Variants in TNKS observed in about 807,000 individuals in gnomAD.
TNKS encodes the protein tankyrase, also known as poly [ADP-ribose] polymerase tankyrase-1.
TNKS carries 72 observed loss-of-function variants against 135.8 expected under a neutral mutation model. The observed-to-expected ratio is 0.53, with a 90% CI of 0.44 to 0.64. TNKS has a LOEUF of 0.64. Among genes scored for constraint, TNKS ranks in the 30% least tolerant of loss-of-function variants. The probability of loss-of-function intolerance (pLI) is 0.00; values close to 1 mark genes in which losing one functional copy is unlikely to be tolerated. For missense variants in TNKS, 1,769 were observed against 1,674.0 expected (o/e 1.06, Z -0.99); for synonymous variants, 849 against 649.3 (o/e 1.31, Z -4.68).
In TNKS at chr8:9,752,535, C is replaced by T. The variant is rs1806598576; in HGVS notation, c.3071-9C>T. 2 of 1,602,164 alleles carry T rather than the reference C, an allele frequency of 1.2e-6. No homozygotes were observed. The highest frequency in any genetic ancestry group is 1.7e-5 in the Admixed American group (1 of 59,348). ...CTTTCTGAGAATCTTTAATATGTTT[C>T]TGTTTTAGTTGCTGGTCTTGACATG... is the stretch of plus-strand genomic sequence containing the variant. On this transcript the variant is annotated splice_polypyrimidine_tract_variant and intron_variant, in intron 19 of 26. Transcript: ENST00000310430.
chr8:9,751,473 G>A, intron 18 of TNKS, 136 bp from the exon 19 acceptor site: 1 of 676,532 alleles, frequency 1.5e-6, no homozygotes, highest in Admixed American at 2.8e-5. Flanking sequence ...ATAGGAGAAG[G>A]AATGATCAAA....
chr8:9,693,251 AAGAC>A (rs1336383093), intron 5 of TNKS, among the ~76,000 whole-genome samples: 2 of 152,328 alleles, frequency 1.3e-5, no homozygotes, highest in Non-Finnish European at 2.9e-5. Flanking sequence ...TACAAAGAAT[AAGAC>A]AGACAGATAT....
chr8:9,622,902 T>G lies in TNKS; in HGVS notation c.994+7225T>G, dbSNP rs75798659. Among the ~76,000 whole-genome samples the G allele has an allele frequency of 8.5e-5, 13 of 152,330 alleles. No individual in the cohort carries two copies. In the East Asian group the frequency reaches 2.5e-3, roughly 29 times the overall value. On this transcript the variant is annotated intron_variant, in intron 3 of 26. Transcript: ENST00000310430. ...GGATACCTGAAACCACAGATAGTAC[T>G]GAACCCTGTACAGACTATGGTTTTT...
At chr8:9,718,021 G>C (rs1480392289) in intron 11 of TNKS, among the ~76,000 whole-genome samples, 14 of 27,454 alleles carry the variant, frequency 5.1e-4, no homozygotes, top group African/African-American at 1.1e-3. Flanking sequence ...ACTGTCAGAA[G>C]TTATTAGTTA....
chr8:9,771,358 GAGAGAGAGGAAGGGAGGGAGGGAA>G (rs1278692280), intron 26 of TNKS, among the ~76,000 whole-genome samples: 11 of 109,714 alleles, frequency 1.0e-4, no homozygotes, highest in South Asian at 7.2e-4. Context: ...CAGGGAGGGA[GAGAGAGAGGAAGGGAGGGAGGGAA>G]AGAGAGAAAG....
chr8:9,761,477 T>A lies in TNKS; in HGVS notation c.3154-39T>A, dbSNP rs762483875. On this transcript the variant is annotated intron_variant, in intron 20 of 26. Coordinates refer to ENST00000310430, the MANE Select transcript of TNKS (RefSeq NM_003747.3). ...GAAAAGCTTTTGTCCTCTTAAGAAC[T>A]GTTAAAGATATCCTAGCTAATTTTG... The A allele has an allele frequency of 4.4e-6, 7 of 1,608,560 alleles. No individual in the cohort carries two copies. In the Admixed American group the frequency reaches 1.2e-4, roughly 27 times the overall value.
intron 20 of TNKS, among the ~76,000 whole-genome samples, chr8:9,754,623 T>G (rs1174050837): frequency 6.6e-6 from 1 of 152,202 alleles, no homozygotes; most frequent in Non-Finnish European, 1.5e-5. Context: ...TTCTAATTAT[T>G]TTTACCCTCT....
At chr8:9,716,285 T>C (rs945212576) in intron 11 of TNKS, among the ~76,000 whole-genome samples, 42 of 152,236 alleles carry the variant, frequency 2.8e-4, no homozygotes, top group African/African-American at 9.4e-4. Context: ...TTTCTAGAGG[T>C]AGATTGATAA....
At chr8:9,615,806 A>G (rs73537997) in intron 3 of TNKS, 129 bp downstream of exon 3, 5 of 645,916 alleles carry the variant, frequency 7.7e-6, no homozygotes, top group Non-Finnish European at 1.3e-5. Flanking sequence ...ATTATCTACT[A>G]CTTTATTATT....
At chr8:9,742,647 C>G (rs1365790833) in intron 17 of TNKS, among the ~76,000 whole-genome samples, 3 of 150,728 alleles carry the variant, frequency 2.0e-5, no homozygotes, top group Non-Finnish European at 4.4e-5. Context: ...GGTTTAAGGC[C>G]AGGAGTTTGA....
At chr8:9,597,388 G>A (rs549322918) in intron 2 of TNKS, among the ~76,000 whole-genome samples, 4 of 152,330 alleles carry the variant, frequency 2.6e-5, no homozygotes, top group African/African-American at 7.2e-5. Flanking sequence ...TCAAAGCTCA[G>A]TGAAGGGCTG....
chr8:9,557,754 A>G (rs1815387380), intron 1 of TNKS: 1 of 152,202 alleles, frequency 6.6e-6, no homozygotes. Context: ...ACAGTAAAAC[A>G]TGTGTTGACC....
chr8:9,581,566 A>G (rs939577415), intron 2 of TNKS, among the ~76,000 whole-genome samples: 4 of 152,172 alleles, frequency 2.6e-5, no homozygotes, highest in African/African-American at 7.2e-5. Context: ...TGTAAATGAT[A>G]ACTATTATTG....
chr8:9,766,157 C>T, intron 24 of TNKS, 82 bp from the exon 25 acceptor site: 2 of 1,201,902 alleles, frequency 1.7e-6, no homozygotes, highest in Non-Finnish European at 2.3e-6. Context: ...TAATATTAAC[C>T]TGCCCGATGC....
chr8:9,693,303 A>G (rs1305513276), intron 5 of TNKS, among the ~76,000 whole-genome samples: 1 of 152,224 alleles, frequency 6.6e-6, no homozygotes, highest in African/African-American at 2.4e-5. Context: ...ATCATAGAAG[A>G]ATATAATAAC....
At chr8:9,609,274 C>T (rs1017807039) in intron 2 of TNKS, among the ~76,000 whole-genome samples, 1 of 152,170 alleles carries the variant, frequency 6.6e-6, no homozygotes. Context: ...TGGCTGTGCA[C>T]TGGACATTTT....
At chr8:9,607,486 T>C (rs1391930923) in intron 2 of TNKS, among the ~76,000 whole-genome samples, 15 of 152,234 alleles carry the variant, frequency 9.9e-5, no homozygotes, top group Admixed American at 9.8e-4. Context: ...TTAGCTGCAA[T>C]GTGGAATCTG....
At chr8:9,583,914 C>T (rs1024388848) in intron 2 of TNKS, among the ~76,000 whole-genome samples, 3 of 151,360 alleles carry the variant, frequency 2.0e-5, no homozygotes, top group East Asian at 2.0e-4. Context: ...CCTGTAATCC[C>T]AGTACTTTGG....
At chr8:9,631,599 G>A (rs1800291280) in intron 3 of TNKS, among the ~76,000 whole-genome samples, 1 of 152,036 alleles carries the variant, frequency 6.6e-6, no homozygotes, top group Admixed American at 6.5e-5. Context: ...TAGAATATAG[G>A]GAGATCATCT....
Sources: allele counts gnomAD v4.1 joint callset (sites outside exome capture counted in the v4.1 genomes callset), GRCh38; gene constraint gnomAD v4.1.1; transcripts MANE v1.5; gene names NCBI Gene and HGNC (gene_info 2026-07-23, HGNC 2026-07-21).